Variants in GPA33 observed in about 807,000 individuals in gnomAD.
GPA33 encodes cell surface A33 antigen.
In GPA33, 27 loss-of-function variants were observed where a neutral mutation model predicts 35.6. The observed-to-expected ratio is 0.76, with a 90% CI of 0.56 to 1.04. The LOEUF is 1.04. GPA33 is among the 50% of genes least tolerant of loss of function. The probability of loss-of-function intolerance (pLI) is 0.00; values close to 1 mark genes in which losing one functional copy is unlikely to be tolerated. For synonymous variants in GPA33, 176 were observed against 164.0 expected, an observed-to-expected ratio of 1.07 and a Z score of -0.56; for missense variants, 428 against 411.9, an observed-to-expected ratio of 1.04 and a Z score of -0.34.
intron 3 of GPA33, among the ~76,000 whole-genome samples, chr1:167,066,900 C>T (rs1387344113): frequency 1.3e-5 from 2 of 152,204 alleles, no homozygotes; most frequent in Non-Finnish European, 2.9e-5. Context: ...CCCCGAGGCG[C>T]GGGCTGAGGG....
chr1:167,080,520 G>A (rs560303122), intron 1 of GPA33, among the ~76,000 whole-genome samples: 14 of 152,288 alleles, frequency 9.2e-5, no homozygotes, highest in African/African-American at 3.1e-4. Context: ...CAGCAGCATG[G>A]CCAAGAGCAC....
intron 3 of GPA33, 58 bp from the exon 4 acceptor site, chr1:167,063,795 A>T (rs1024708047): frequency 4.8e-5 from 66 of 1,387,962 alleles, no homozygotes; most frequent in Non-Finnish European, 6.4e-5. Flanking sequence ...GGTGACAGCC[A>T]CCCACCCCTC....
In GPA33 at chr1:167,073,466, G is replaced by T. The variant is rs1482300202; in HGVS notation, c.117C>A (p.Val39=). 1 of 1,610,948 alleles carries T rather than the reference G, an allele frequency of 6.2e-7. No homozygotes were observed. Among genetic ancestry groups the T allele is most frequent in the South Asian group, 1.1e-5 (1 of 90,982 alleles). Residue 39 remains valine, a synonymous_variant, in exon 2 of 7, where the codon GTC becomes GTA. Transcript: ENST00000367868. ...DVLRASQGKS[V]TLPCTYHTST... is the part of the protein sequence containing the mutation. ...AAGTGTGGTAGGTGCAGGGCAGGGTGACACTCTTTCCCTGCGAAGCCCGAA... is the reference window on the plus strand; with the variant it reads ...AAGTGTGGTAGGTGCAGGGCAGGGTTACACTCTTTCCCTGCGAAGCCCGAA...
chr1:167,067,615 G>T (rs188761190), intron 3 of GPA33, among the ~76,000 whole-genome samples: 4 of 152,110 alleles, frequency 2.6e-5, no homozygotes, highest in Non-Finnish European at 4.4e-5. Context: ...ACATATGTAC[G>T]TGTGTGTATG....
intron 3 of GPA33, among the ~76,000 whole-genome samples, chr1:167,066,840 C>G (rs1359645468): frequency 3.3e-5 from 5 of 152,178 alleles, no homozygotes; most frequent in Non-Finnish European, 5.9e-5. Flanking sequence ...TCCCCGGTCC[C>G]GGAGCCCCAG....
At chr1:167,058,997 T>TA (rs1666371369) in intron 4 of GPA33, among the ~76,000 whole-genome samples, 1 of 152,202 alleles carries the variant, frequency 6.6e-6, no homozygotes, top group Non-Finnish European at 1.5e-5. Flanking sequence ...CCCCACCACT[T>TA]AAGAGTGTGA....
At chr1:167,088,502 G>A (rs1009369535) in intron 1 of GPA33, among the ~76,000 whole-genome samples, 1 of 152,130 alleles carries the variant, frequency 6.6e-6, no homozygotes, top group East Asian at 1.9e-4. Context: ...TTCTGTGCTG[G>A]GCAGGCTGTG....
At chr1:167,073,148 A>C (rs369081370) in intron 2 of GPA33, among the ~76,000 whole-genome samples, 51 of 152,326 alleles carry the variant, frequency 3.3e-4, no homozygotes, top group African/African-American at 1.2e-3. Context: ...AATTTAGGTC[A>C]TTTGAGATTG....
At chr1:167,082,133 A>C (rs948791293) in intron 1 of GPA33, 4 of 407,642 alleles carry the variant, frequency 9.8e-6, no homozygotes, top group Non-Finnish European at 1.9e-5. Context: ...ATAAAGCAGG[A>C]TGCAAAACTG....
chr1:167,056,565 T>G, intron 4 of GPA33, among the ~76,000 whole-genome samples: 6 of 26,746 alleles, frequency 2.2e-4, no homozygotes, highest in Non-Finnish European at 5.6e-4. Flanking sequence ...GTATGGTATG[T>G]GGTGTGTGTG....
chr1:167,088,588 G>A (rs1667099480), intron 1 of GPA33, among the ~76,000 whole-genome samples: 1 of 152,190 alleles, frequency 6.6e-6, no homozygotes, highest in Non-Finnish European at 1.5e-5. Context: ...GTTCTGCTGG[G>A]TGAGTTCCCC....
chr1:167,056,351 A>G (rs911169508), intron 4 of GPA33, among the ~76,000 whole-genome samples: 1 of 152,092 alleles, frequency 6.6e-6, no homozygotes, highest in Non-Finnish European at 1.5e-5. Context: ...TTAGACTCAT[A>G]TGAAAGAAGC....
chr1:167,090,242 C>T lies in GPA33; in HGVS notation c.43+3G>A. On this transcript the variant is annotated splice_donor_region_variant and intron_variant, in intron 1 of 6. Coordinates refer to ENST00000367868, the MANE Select transcript of GPA33 (RefSeq NM_005814.3). Reference sequence around the variant, plus strand: ...GCACTGGAGAGAAAAGGGGCCTACTCACCTGCACAGAGTGTCCACAACACA... The same window carrying T: ...GCACTGGAGAGAAAAGGGGCCTACTTACCTGCACAGAGTGTCCACAACACA... 6.2e-7 allele frequency: 1 copy of T among 1,611,088 alleles called. No homozygotes were observed. The highest frequency in any genetic ancestry group is 8.5e-7 in the Non-Finnish European group (1 of 1,177,202).
At chr1:167,070,135 G>A (rs1666687176) in intron 2 of GPA33, among the ~76,000 whole-genome samples, 1 of 152,170 alleles carries the variant, frequency 6.6e-6, no homozygotes, top group African/African-American at 2.4e-5. Context: ...TATTGGGAGA[G>A]TAAGTGTTGG....
chr1:167,081,700 G>A (rs776926154), intron 1 of GPA33, among the ~76,000 whole-genome samples: 14 of 152,152 alleles, frequency 9.2e-5, no homozygotes, highest in Non-Finnish European at 1.5e-4. Flanking sequence ...TGGCTTTCCC[G>A]AGCCACTTCG....
intron 3 of GPA33, among the ~76,000 whole-genome samples, chr1:167,067,384 G>C (rs56259579): frequency 0.08 from 12,094 of 152,094 alleles, 1,160 homozygotes; most frequent in African/African-American, 0.23. Context: ...TTACAGGCTT[G>C]AGCTACCGCA....
chr1:167,075,190 C>A (rs1204968568), intron 1 of GPA33, among the ~76,000 whole-genome samples: 1 of 152,102 alleles, frequency 6.6e-6, no homozygotes, highest in African/African-American at 2.4e-5. Context: ...CATGAGCCAC[C>A]ATGCCTGGCC....
chr1:167,088,123 G>A (rs1029481505), intron 1 of GPA33, among the ~76,000 whole-genome samples: 11 of 152,048 alleles, frequency 7.2e-5, no homozygotes, highest in Admixed American at 1.3e-4. Flanking sequence ...TCAATTCCTC[G>A]GAAAGGTCAG....
chr1:167,063,708 C>T lies in GPA33; in HGVS notation c.445G>A (p.Glu149Lys), dbSNP rs756795354. The T allele has an allele frequency of 9.3e-6, 15 of 1,613,262 alleles. No individual in the cohort carries two copies. The highest frequency in any genetic ancestry group is 8.3e-5 in the Admixed American group (5 of 59,968). Residue 149 changes from glutamate (E) to lysine (K), a missense_variant, in exon 4 of 7, where the codon GAG becomes AAG. By Grantham distance (56) the Glu-to-Lys change is moderately conservative. Coordinates refer to ENST00000367868, the MANE Select transcript of GPA33 (RefSeq NM_005814.3). ...TTGTTCCCAATTATGGTCTCTCCCT[C>T]GATGCCGCATTCTGGTTTGGAGGGT... ...VPPSKPECGI[E>K]GETIIGNNIQ...
Sources: gnomAD v4.1 joint callset for allele counts (sites outside exome capture counted in the v4.1 genomes callset) on GRCh38, gnomAD v4.1.1 for gene constraint, MANE v1.5 for transcripts, NCBI Gene and HGNC (gene_info 2026-07-23, HGNC 2026-07-21) for gene names.